GIT1: variants seen among roughly 807,000 people sequenced by gnomAD.
The protein encoded by GIT1 is GIT ArfGAP 1.
Under a neutral mutation model 91.7 loss-of-function variants are expected in GIT1, and 14 were observed. The observed-to-expected ratio is 0.15, with a 90% confidence interval of 0.10 to 0.24. The LOEUF (loss-of-function observed/expected upper bound fraction) is 0.24, where lower values mean the gene tolerates loss of function less well. GIT1 is among the 10% of genes least tolerant of loss of function. GIT1 has a pLI of 1.00. For synonymous variants in GIT1, 414 were observed against 418.2 expected, an observed-to-expected ratio of 0.99 and a Z score of 0.12; for missense variants, 717 against 1,024.9, an observed-to-expected ratio of 0.70 and a Z score of 4.10.
chr17:29,581,897 C>A lies in GIT1; in HGVS notation c.623+30G>T, dbSNP rs574002470. The A allele has an allele frequency of 1.2e-6, 2 of 1,606,116 alleles. No individual in the cohort carries two copies. Among genetic ancestry groups the A allele is most frequent in the South Asian group, 1.1e-5 (1 of 90,912 alleles). ...CAGCCCTCACCCACACCCCCACCCACCCACACTGCACCCTTCAGCCGACCC... is the reference window on the plus strand; with the variant it reads ...CAGCCCTCACCCACACCCCCACCCAACCACACTGCACCCTTCAGCCGACCC... On this transcript the variant is annotated intron_variant, in intron 5 of 19. Transcript: ENST00000225394. The surrounding 1 kb of genome is among the most constrained non-coding windows in gnomAD (Gnocchi z 4.8).
chr17:29,576,193 A>C lies in GIT1; in HGVS notation c.1611+27T>G, dbSNP rs1308044277. 2 of 1,607,444 alleles carry C rather than the reference A, an allele frequency of 1.2e-6. 1 individual carries two copies. Among genetic ancestry groups the C allele is most frequent in the South Asian group, 2.2e-5 (2 of 90,966 alleles). On this transcript the variant is annotated intron_variant, in intron 14 of 19. Transcript: ENST00000225394. ...CTGCGGCAGCCCCACCCATCTCCCCACACCTTGAGACCCATAGGTGACTCA... is the reference window on the plus strand; with the variant it reads ...CTGCGGCAGCCCCACCCATCTCCCCCCACCTTGAGACCCATAGGTGACTCA...
chr17:29,577,595 A>C, intron 10 of GIT1, 50 bp downstream of exon 10: 169 of 1,129,546 alleles, frequency 1.5e-4, no homozygotes, highest in Non-Finnish European at 2.1e-4. Flanking sequence ...ATGAGGAGGG[A>C]CCGCGGGGAT....
At chr17:29,576,739 G>C in intron 12 of GIT1, 65 bp from the exon 13 acceptor site, 12 of 1,600,750 alleles carry the variant, frequency 7.5e-6, no homozygotes, top group Non-Finnish European at 1.0e-5. Context: ...GCAGGGGGCA[G>C]TTATTGAGGC....
chr17:29,574,624 G>C lies in GIT1; in HGVS notation c.*78C>G. On this transcript the variant is annotated 3_prime_UTR_variant, in exon 20 of 20. Coordinates refer to ENST00000225394, the MANE Select transcript of GIT1 (RefSeq NM_014030.4). ...CTTGTGCCAGTGGCTCTGTTGGGGTGGGGATTAATGTCTGGAGTGGCCCAG... is the reference window on the plus strand; with the variant it reads ...CTTGTGCCAGTGGCTCTGTTGGGGTCGGGATTAATGTCTGGAGTGGCCCAG... The C allele has an allele frequency of 1.7e-6, 2 of 1,177,582 alleles. No individual in the cohort carries two copies. The highest frequency in any genetic ancestry group is 2.5e-5 in the South Asian group (2 of 80,360). 72.9% of individuals were successfully genotyped at this position (1,177,582 alleles called of 1,614,324 possible).
Position 29,576,092 on chromosome 17 carries a change from C to T in GIT1, c.1651G>A (p.Ala551Thr), listed in dbSNP as rs370390461. The change falls in exon 15 of 20, where the codon GCT becomes ACT. Residue 551 changes from alanine (A) to threonine (T), a missense_variant. Ala to Thr is a moderately conservative substitution (Grantham distance 58). Transcript: ENST00000225394. Reference sequence around the variant, plus strand: ...CCCAGGCTTACCCGGTAAAGGCCAGCAGGGACGTGCACTGAATAGATGGCG... The same window carrying T: ...CCCAGGCTTACCCGGTAAAGGCCAGTAGGGACGTGCACTGAATAGATGGCG... Reference protein sequence around the residue: ...DDAIYSVHVPAGLYRIRKGVS... With the variant: ...DDAIYSVHVPTGLYRIRKGVS... The T allele has an allele frequency of 3.3e-5, 54 of 1,613,620 alleles. No individual in the cohort carries two copies. The African/African-American group carries it at 7.1e-4, about 21-fold the overall frequency.
At chr17:29,577,270 C>G (rs1418874015) in intron 10 of GIT1, 23 bp from the exon 11 acceptor site, 1 of 1,601,556 alleles carries the variant, frequency 6.2e-7, no homozygotes. Flanking sequence ...AAGGGCCAGG[C>G]TGGCTTCAGG....
rs376729227 is a variant in GIT1 at position 29,576,144 on chromosome 17, G to A, written c.1612-13C>T. 3.3e-5 allele frequency: 53 copies of A among 1,613,372 alleles called. No individual in the cohort carries two copies. The African/African-American group carries it at 5.1e-4, about 15-fold the overall frequency. On this transcript the variant is annotated splice_polypyrimidine_tract_variant and intron_variant, in intron 14 of 19. Coordinates refer to ENST00000225394, the MANE Select transcript of GIT1 (RefSeq NM_014030.4). Reference sequence around the variant, plus strand: ...CGTCCTCTAGCTCCTGGGGATGTTAGCACAGCGAGCGTCATGGTGGACCCT... The same window carrying A: ...CGTCCTCTAGCTCCTGGGGATGTTAACACAGCGAGCGTCATGGTGGACCCT...
intron 3 of GIT1, 26 bp downstream of exon 3, chr17:29,582,899 C>T (rs371361644): frequency 1.3e-5 from 20 of 1,568,416 alleles, no homozygotes; most frequent in Non-Finnish European, 8.8e-7. Flanking sequence ...GCAGTCTCTG[C>T]CCACCACCCC....
chr17:29,583,134 A>G, intron 2 of GIT1, 97 bp from the exon 3 acceptor site: 1 of 821,906 alleles, frequency 1.2e-6, no homozygotes, highest in Non-Finnish European at 2.0e-6. Flanking sequence ...CGTAGCTGGA[A>G]ACGGTACCAA....
rs889845490 is a variant in GIT1 at position 29,575,989 on chromosome 17, A to T, written c.1665+89T>A. On this transcript the variant is annotated intron_variant, in intron 15 of 19. Coordinates refer to ENST00000225394, the MANE Select transcript of GIT1 (RefSeq NM_014030.4). This position sits in a 1 kb window ranked among gnomAD's most constrained non-coding sequence, Gnocchi z 5.5. ...CAGCAGGGACCAGGTCAGTCTAATC[A>T]TCTTAAGCCCCGAATTCAGCACAGA... is the stretch of plus-strand genomic sequence containing the variant. The T allele has an allele frequency of 1.7e-5, 27 of 1,547,780 alleles. No individual in the cohort carries two copies. Among genetic ancestry groups the T allele is most frequent in the Non-Finnish European group, 2.3e-5 (26 of 1,121,238 alleles).
In GIT1 at chr17:29,576,955, C is replaced by T. The variant is rs1252210302; in HGVS notation, c.1135G>A (p.Asp379Asn). 6.3e-6 allele frequency: 10 copies of T among 1,599,508 alleles called. 1 individual carries two copies. The highest frequency in any genetic ancestry group is 3.3e-5 in the South Asian group (3 of 90,666). ...GCCACGCTGTCGTAGTCGTGTTGGT[C>T]GTCGAGGTCACTCTGGCTCCGCAGA... ...LSLRSQSDLD[D>N]QHDYDSVASD... The change falls in exon 12 of 20, where the codon GAC becomes AAC. Residue 379 changes from aspartate to asparagine, a missense_variant. Around this residue, in one of 3 missense-constraint regions of GIT1, gnomAD observed 312 missense variants for 349.5 expected, o/e 0.89. Transcript: ENST00000225394.
At position 29,581,460 on chromosome 17, in the gene GIT1, G is replaced by A; in HGVS notation, c.719-80C>T. 9.1e-7 allele frequency: 1 copy of A among 1,098,636 alleles called. No homozygotes were observed. The highest frequency in any genetic ancestry group is 1.2e-5 in the South Asian group (1 of 80,158). 68.1% of individuals were successfully genotyped at this position (1,098,636 alleles called of 1,614,324 possible). On this transcript the variant is annotated intron_variant, in intron 6 of 19. Transcript: ENST00000225394. The surrounding 1 kb of genome is among the most constrained non-coding windows in gnomAD (Gnocchi z 4.8). ...CTGGGAGCCCACCTCACTGCCATGAGCAGGGCTGGCACCCAGAAGTGTCAG... is the reference window on the plus strand; with the variant it reads ...CTGGGAGCCCACCTCACTGCCATGAACAGGGCTGGCACCCAGAAGTGTCAG...
Position 29,575,740 on chromosome 17 carries a change from T to A in GIT1, c.1753-37A>T. On this transcript the variant is annotated intron_variant, in intron 16 of 19. Transcript: ENST00000225394. This position sits in a 1 kb window ranked among gnomAD's most constrained non-coding sequence, Gnocchi z 5.5. ...AGGGAAGGGGCTGTGAGCGCCGTGT[T>A]CCTGGACCCACACTGCCCCTAGCCC... 2.5e-6 allele frequency: 4 copies of A among 1,610,628 alleles called. No homozygotes were observed. Among genetic ancestry groups the A allele is most frequent in the Non-Finnish European group, 3.4e-6 (4 of 1,177,716 alleles).
In GIT1 at chr17:29,581,780, G is replaced by C. The variant is rs1172624999; in HGVS notation, c.680C>G (p.Thr227Ser). The C allele has an allele frequency of 1.1e-5, 17 of 1,612,110 alleles. No individual in the cohort carries two copies. Among genetic ancestry groups the C allele is most frequent in the Non-Finnish European group, 1.4e-5 (17 of 1,179,962 alleles). ...ACAGAGGTAGAAGGCCAGCCGGTCA[G>C]TGAGCTCATATTGGCACTCAACCAG... ...ERLVECQYEL[T>S]DRLAFYLCGR... The change falls in exon 6 of 20, where the codon ACT (threonine) becomes AGT (serine). Residue 227 changes from threonine to serine, a missense_variant. Thr to Ser is a moderately conservative substitution (Grantham distance 58). Coordinates refer to ENST00000225394, the MANE Select transcript of GIT1 (RefSeq NM_014030.4). This position sits in a 1 kb window ranked among gnomAD's most constrained non-coding sequence, Gnocchi z 4.8.
At position 29,574,384 on chromosome 17, in the gene GIT1, C is replaced by T. The variant is rs1471822124; in HGVS notation, c.*318G>A. On this transcript the variant is annotated 3_prime_UTR_variant, in exon 20 of 20. Transcript: ENST00000225394. ...CCCCACTTGGAGTGTCCCCACCTGCCCCTTTGCTGAGGGTGCCCTAGAAGG... is the reference window on the plus strand; with the variant it reads ...CCCCACTTGGAGTGTCCCCACCTGCTCCTTTGCTGAGGGTGCCCTAGAAGG... 1 of 391,892 alleles carries T rather than the reference C, an allele frequency of 2.6e-6. No individual in the cohort carries two copies. The allele number at this position is 391,892 out of a possible 1,614,324, so 24.3% of individuals were successfully genotyped here.
rs1444948501 is a variant in GIT1 at position 29,581,981 on chromosome 17, C to T, written c.569G>A (p.Gly190Glu). 1.2e-6 allele frequency: 2 copies of T among 1,612,956 alleles called. No individual in the cohort carries two copies. The highest frequency in any genetic ancestry group is 1.7e-5 in the Admixed American group (1 of 60,028). The part of the protein sequence containing the change: ...TLQAELLVVY[G>E]ADPGSPDVNG... ...AACATCAGGGGAGCCAGGGTCAGCC[C>T]CATACACTACAAGCAGCTCGGCCTG... is the stretch of plus-strand genomic sequence containing the variant. Residue 190 changes from glycine (G) to glutamate (E), a missense_variant, in exon 5 of 20, where the codon GGG (glycine) becomes GAG (glutamate). By Grantham distance (98) the Gly-to-Glu change is moderately conservative (BLOSUM62 -2). Around this residue, in one of 3 missense-constraint regions of GIT1, gnomAD observed 271 missense variants for 451.6 expected, o/e 0.60. Transcript: ENST00000225394. This position sits in a 1 kb window ranked among gnomAD's most constrained non-coding sequence, Gnocchi z 4.8.
chr17:29,582,676 T>A, intron 4 of GIT1, 22 bp downstream of exon 4: 5 of 1,469,126 alleles, frequency 3.4e-6, no homozygotes, highest in Non-Finnish European at 4.8e-6. Flanking sequence ...GGGCCACCCA[T>A]CTGTTGTAGG....
At chr17:29,583,672 AGCACCT>A (rs2033481662) in intron 1 of GIT1, 56 bp from the exon 2 acceptor site, 23 of 1,528,132 alleles carry the variant, frequency 1.5e-5, no homozygotes, top group Non-Finnish European at 2.0e-5. Context: ...AGACCTCCTG[AGCACCT>A]GCTCTGGCCC....
At chr17:29,578,810 G>A in intron 7 of GIT1, 31 bp from the exon 8 acceptor site, 2 of 1,609,642 alleles carry the variant, frequency 1.2e-6, no homozygotes, top group Non-Finnish European at 1.7e-6. Flanking sequence ...GAATTGGGAG[G>A]AGAGGAGAGA....
Sources: gnomAD v4.1 joint callset for allele counts on GRCh38, gnomAD v4.1.1 for gene constraint, gnomAD v4.1.1 regional missense constraint, Gnocchi (gnomAD v3.1) non-coding constraint, MANE v1.5 for transcripts, NCBI Gene and HGNC (gene_info 2026-07-23, HGNC 2026-07-21) for gene names.